The following TMEM108 variants were observed in gnomAD, a reference collection of about 807,000 sequenced individuals.
TMEM108 encodes cancer/testis antigen 124.
In TMEM108, 12 loss-of-function variants were observed where a neutral mutation model predicts 35.1. The ratio of observed to expected loss-of-function variants is 0.34; its 90% confidence interval spans 0.22 to 0.55. The LOEUF is 0.55. Among genes scored for constraint, TMEM108 ranks in the 20% least tolerant of loss-of-function variants. TMEM108 has a pLI of 0.89. For synonymous variants in TMEM108, 287 were observed against 308.6 expected (o/e 0.93, Z 0.73); for missense variants, 680 against 753.3 (o/e 0.90, Z 1.14).
At chr3:133,325,702 T>C (rs1009115435) in intron 3 of TMEM108, among the ~76,000 whole-genome samples, 46 of 149,670 alleles carry the variant, frequency 3.1e-4, no homozygotes, top group Non-Finnish European at 5.3e-4. Context: ...CTAAAAAAAA[T>C]TTTTAAATAA....
chr3:133,161,741 C>T (rs1944964760), intron 2 of TMEM108, among the ~76,000 whole-genome samples: 1 of 151,132 alleles, frequency 6.6e-6, no homozygotes, highest in East Asian at 1.9e-4. Context: ...GTATTTTTCA[C>T]CTATAACAGA....
chr3:133,189,951 TGGA>T (rs1195352839), intron 2 of TMEM108, among the ~76,000 whole-genome samples: 1 of 152,162 alleles, frequency 6.6e-6, no homozygotes, highest in African/African-American at 2.4e-5. Flanking sequence ...TTTCTATCCA[TGGA>T]CATTTTGGGA....
At chr3:133,287,131 G>T (rs1189583718) in intron 3 of TMEM108, among the ~76,000 whole-genome samples, 1 of 152,142 alleles carries the variant, frequency 6.6e-6, no homozygotes, top group Non-Finnish European at 1.5e-5. Flanking sequence ...GGCTGTGGCT[G>T]GCTGGCAAGA....
intron 3 of TMEM108, among the ~76,000 whole-genome samples, chr3:133,358,225 G>A (rs1218527289): frequency 6.6e-6 from 1 of 151,146 alleles, no homozygotes; most frequent in Non-Finnish European, 1.5e-5. Flanking sequence ...AGGCTGGAGT[G>A]CAGTGGTACA....
chr3:133,142,886 C>G (rs949263470), intron 2 of TMEM108, among the ~76,000 whole-genome samples: 2 of 152,138 alleles, frequency 1.3e-5, no homozygotes, highest in Non-Finnish European at 2.9e-5. Context: ...GTCATTTTCT[C>G]AGTTTTCAGA....
At chr3:133,362,466 C>G (rs935240770) in intron 3 of TMEM108, among the ~76,000 whole-genome samples, 7 of 152,208 alleles carry the variant, frequency 4.6e-5, no homozygotes, top group Non-Finnish European at 1.0e-4. Context: ...CATACCCACA[C>G]CATGGTGCAG....
chr3:133,330,854 A>G (rs1414222176), intron 3 of TMEM108, among the ~76,000 whole-genome samples: 2 of 152,232 alleles, frequency 1.3e-5, no homozygotes, highest in African/African-American at 4.8e-5. Flanking sequence ...CCTTAAAAGT[A>G]TGATGTTTGG....
At chr3:133,362,270 T>C (rs953529435) in intron 3 of TMEM108, among the ~76,000 whole-genome samples, 1 of 151,944 alleles carries the variant, frequency 6.6e-6, no homozygotes, top group Non-Finnish European at 1.5e-5. Context: ...AAGCTGAAAA[T>C]AAAAAGGAAA....
chr3:133,219,743 A>G (rs1945960046), intron 2 of TMEM108, among the ~76,000 whole-genome samples: 2 of 152,144 alleles, frequency 1.3e-5, no homozygotes, highest in African/African-American at 2.4e-5. Flanking sequence ...GACTTGTGTT[A>G]TATATAGTCT....
intron 4 of TMEM108, 83 bp downstream of exon 4, chr3:133,381,244 C>CAAGGATGCCAA: frequency 7.0e-7 from 1 of 1,430,620 alleles, no homozygotes; most frequent in Non-Finnish European, 9.4e-7. Flanking sequence ...CCTGATTTGG[C>CAAGGATGCCAA]ATCCTTGCCA....
chr3:133,069,058 G>A (rs1233385215), intron 2 of TMEM108, among the ~76,000 whole-genome samples: 2 of 152,200 alleles, frequency 1.3e-5, no homozygotes, highest in Non-Finnish European at 1.5e-5. Flanking sequence ...TAGAGAGACA[G>A]AGAAAGCTGT....
chr3:133,297,662 T>G (rs1182663774), intron 3 of TMEM108, among the ~76,000 whole-genome samples: 1 of 152,114 alleles, frequency 6.6e-6, no homozygotes, highest in Non-Finnish European at 1.5e-5. Context: ...TATGGGTCAG[T>G]CTTGAGAGCC....
chr3:133,363,312 A>G (rs1368729339), intron 3 of TMEM108, among the ~76,000 whole-genome samples: 2 of 152,172 alleles, frequency 1.3e-5, no homozygotes, highest in African/African-American at 4.8e-5. Context: ...TGTAGTTCCA[A>G]CAAATTCCCA....
At chr3:133,361,266 CAAAG>C (rs1000803362) in intron 3 of TMEM108, among the ~76,000 whole-genome samples, 1 of 152,196 alleles carries the variant, frequency 6.6e-6, no homozygotes, top group African/African-American at 2.4e-5. Flanking sequence ...AGGTGTGACT[CAAAG>C]AGCCTGCACT....
chr3:133,068,862 A>G (rs1036119371), intron 2 of TMEM108, among the ~76,000 whole-genome samples: 54 of 152,284 alleles, frequency 3.5e-4, no homozygotes, highest in African/African-American at 1.3e-3. Context: ...ACAGGATTAG[A>G]AAAGGAAGAA....
At chr3:133,253,722 G>A (rs149551392) in intron 3 of TMEM108, among the ~76,000 whole-genome samples, 156 of 152,278 alleles carry the variant, frequency 1.0e-3, no homozygotes, top group African/African-American at 3.7e-3. Context: ...GGAAGATTTC[G>A]TGTTGCCAGT....
chr3:133,158,087 T>C (rs1052113523), intron 2 of TMEM108, among the ~76,000 whole-genome samples: 1 of 152,152 alleles, frequency 6.6e-6, no homozygotes, highest in African/African-American at 2.4e-5. Context: ...CTCCTTTTTA[T>C]ATAACAGATT....
At chr3:133,365,824 G>A (rs2072487199) in intron 3 of TMEM108, among the ~76,000 whole-genome samples, 1 of 152,180 alleles carries the variant, frequency 6.6e-6, no homozygotes, top group South Asian at 2.1e-4. Flanking sequence ...CCTCTCCAGG[G>A]TCATCTGTTT....
chr3:133,073,795 T>A, intron 2 of TMEM108, among the ~76,000 whole-genome samples: 1 of 151,912 alleles, frequency 6.6e-6, no homozygotes. Flanking sequence ...CAAGAGTTCC[T>A]TTTTTCCACA....
Sources: allele counts gnomAD v4.1 joint callset (sites outside exome capture counted in the v4.1 genomes callset), GRCh38; gene constraint gnomAD v4.1.1; transcripts MANE v1.5; gene names NCBI Gene and HGNC (gene_info 2026-07-23, HGNC 2026-07-21).